TCF7L2: variants seen among roughly 807,000 people sequenced by gnomAD.
TCF7L2 encodes transcription factor 7-like 2.
Under a neutral mutation model 77.9 loss-of-function variants are expected in TCF7L2, and 23 were observed. The observed-to-expected ratio is 0.30, with a 90% CI of 0.21 to 0.42. The LOEUF is 0.42. Among genes scored for constraint, TCF7L2 ranks in the 10% least tolerant of loss-of-function variants. TCF7L2 has a pLI of 1.00. For synonymous variants in TCF7L2, 413 were observed against 340.2 expected (o/e 1.21, Z -2.36); for missense variants, 654 against 793.1 (o/e 0.82, Z 2.11).
At chr10:113,121,255 G>A (rs560216082) in intron 5 of TCF7L2, among the ~76,000 whole-genome samples, 2 of 152,266 alleles carry the variant, frequency 1.3e-5, no homozygotes, top group African/African-American at 4.8e-5. Context: ...CCCTCTTCTC[G>A]CTCTCCCGCC....
At chr10:113,107,774 A>AAAAAAAAAC (rs1408038947) in intron 5 of TCF7L2, among the ~76,000 whole-genome samples, 18 of 149,890 alleles carry the variant, frequency 1.2e-4, no homozygotes, top group Admixed American at 6.1e-4. Flanking sequence ...AAAAAAAAAA[A>AAAAAAAAAC]AACAACAAAA....
chr10:113,129,644 G>A, intron 5 of TCF7L2: 2 of 1,180,684 alleles, frequency 1.7e-6, no homozygotes, highest in South Asian at 3.3e-5. Flanking sequence ...ACAACTTTGA[G>A]CATTTTGAGC....
At chr10:113,141,092 T>C (rs2136826843) in intron 5 of TCF7L2, 92 bp from the exon 6 acceptor site, 1 of 1,527,452 alleles carries the variant, frequency 6.5e-7, no homozygotes, top group South Asian at 1.2e-5. Context: ...GGTGAGAGGC[T>C]GTGGCCAAGG....
chr10:113,118,963 T>C (rs1267065731), intron 5 of TCF7L2, among the ~76,000 whole-genome samples: 1 of 152,208 alleles, frequency 6.6e-6, no homozygotes, highest in African/African-American at 2.4e-5. Context: ...AGATTTACCC[T>C]TGGCTTCAAA....
At chr10:113,101,842 C>CAAAAAAA (rs71007412) in intron 5 of TCF7L2, among the ~76,000 whole-genome samples, 5 of 46,000 alleles carry the variant, frequency 1.1e-4, no homozygotes, top group Non-Finnish European at 1.4e-4. Flanking sequence ...GACTCCGTCT[C>CAAAAAAA]AAAAAAAAAA....
At chr10:113,127,689 C>T (rs890639419) in intron 5 of TCF7L2, among the ~76,000 whole-genome samples, 1 of 151,744 alleles carries the variant, frequency 6.6e-6, no homozygotes, top group African/African-American at 2.4e-5. Flanking sequence ...GCGTGGTGTA[C>T]TTCTGACAAA....
chr10:112,960,330 T>C (rs1468617652), intron 3 of TCF7L2, among the ~76,000 whole-genome samples: 2 of 152,198 alleles, frequency 1.3e-5, no homozygotes, highest in African/African-American at 4.8e-5. Context: ...AATCTTAAAA[T>C]GTTGGTCTTT....
At position 113,143,940 on chromosome 10, in the gene TCF7L2, C is replaced by T. The variant is rs1431238471; in HGVS notation, c.703C>T (p.His235Tyr). The T allele has an allele frequency of 6.2e-7, 1 of 1,613,998 alleles. No individual in the cohort carries two copies. The highest frequency in any genetic ancestry group is 1.1e-5 in the South Asian group (1 of 91,028). Residue 235 changes from histidine (H) to tyrosine (Y), a missense_variant, in exon 7 of 14, where the codon CAC becomes TAC. Around this residue, in one of 6 missense-constraint regions of TCF7L2, gnomAD observed 179 missense variants for 270.6 expected, o/e 0.66. Transcript: ENST00000627217. ...TCCCTCAGGAATCCCACGGCCTCCG[C>T]ACCCTCCAGATATATCCCCGTATTA...
At chr10:113,006,908 C>G (rs116397898) in intron 4 of TCF7L2, among the ~76,000 whole-genome samples, 1 of 152,236 alleles carries the variant, frequency 6.6e-6, no homozygotes. Context: ...CCTGCCCTTC[C>G]CACTTCCAGT....
Position 113,129,663 on chromosome 10 carries a change from C to G in TCF7L2, c.553-11521C>G, listed in dbSNP as rs942870889. On this transcript the variant is annotated intron_variant, in intron 5 of 13. Transcript: ENST00000627217. ...CTTTGAGCATTTTGAGCCTACTCGGCCAGGAATCTGGAGCCATTTCGATCT... is the reference window on the plus strand; with the variant it reads ...CTTTGAGCATTTTGAGCCTACTCGGGCAGGAATCTGGAGCCATTTCGATCT... The G allele has an allele frequency of 1.7e-5, 20 of 1,186,650 alleles. No homozygotes were observed. The East Asian group carries it at 1.1e-3, about 68-fold the overall frequency. 73.5% of individuals were successfully genotyped at this position (1,186,650 alleles called of 1,614,324 possible).
intron 4 of TCF7L2, among the ~76,000 whole-genome samples, chr10:113,007,944 A>T (rs1276640346): frequency 6.6e-6 from 1 of 152,226 alleles, no homozygotes; most frequent in African/African-American, 2.4e-5. Flanking sequence ...GATGGAATTC[A>T]AAGAAGCCTG....
intron 11 of TCF7L2, among the ~76,000 whole-genome samples, chr10:113,155,596 A>G (rs560498807): frequency 6.6e-6 from 1 of 152,168 alleles, no homozygotes; most frequent in African/African-American, 2.4e-5. Context: ...GTGTAGAGGA[A>G]TTTTCAGATG....
Position 112,998,000 on chromosome 10 carries a change from A to G in TCF7L2, c.450+33376A>G, listed in dbSNP as rs1411288624. Reference sequence around the variant, plus strand: ...TGCCTTGACAGTAAAACAAAAAACAAAAAAAAGGTGTGGGGGTATATGGTA... The same window carrying G: ...TGCCTTGACAGTAAAACAAAAAACAGAAAAAAGGTGTGGGGGTATATGGTA... On this transcript the variant is annotated intron_variant, in intron 4 of 13. Coordinates refer to ENST00000627217, the MANE Select transcript of TCF7L2 (RefSeq NM_001146274.2). Among the ~76,000 whole-genome samples, 10 of 152,270 alleles carry G rather than the reference A, an allele frequency of 6.6e-5. No homozygotes were observed. The East Asian group carries it at 1.9e-3, about 29-fold the overall frequency.
chr10:113,141,409 A>C, intron 6 of TCF7L2, 93 bp downstream of exon 6: 2 of 1,548,686 alleles, frequency 1.3e-6, no homozygotes, highest in Non-Finnish European at 1.7e-6. Flanking sequence ...GGGGTGGAGC[A>C]GTAGGGGACT....
chr10:113,115,815 T>C (rs953087813), intron 5 of TCF7L2, among the ~76,000 whole-genome samples: 2 of 152,072 alleles, frequency 1.3e-5, no homozygotes, highest in African/African-American at 4.8e-5. Flanking sequence ...CTGTGGTCAG[T>C]TTTGTGAATG....
At chr10:113,141,501 G>A (rs988886190) in intron 6 of TCF7L2, among the ~76,000 whole-genome samples, 185 bp downstream of exon 6, 3 of 152,162 alleles carry the variant, frequency 2.0e-5, no homozygotes, top group Non-Finnish European at 4.4e-5. Flanking sequence ...GAGGCCTGGT[G>A]TGGCAGTGGT....
intron 11 of TCF7L2, among the ~76,000 whole-genome samples, chr10:113,153,719 G>T (rs11595128): frequency 0.098 from 14,946 of 152,214 alleles, 1,117 homozygotes; most frequent in Non-Finnish European, 0.15. Flanking sequence ...GAAATGTGCA[G>T]TTACTGTGCA....
intron 5 of TCF7L2, among the ~76,000 whole-genome samples, chr10:113,051,534 T>C (rs1178475960): frequency 6.6e-6 from 1 of 152,236 alleles, no homozygotes. Context: ...AACTGATTCT[T>C]CTATCGCTAT....
intron 12 of TCF7L2, chr10:113,160,581 A>C: frequency 6.4e-7 from 1 of 1,555,770 alleles, no homozygotes; most frequent in Non-Finnish European, 8.7e-7. Flanking sequence ...ACGACCCACC[A>C]TTGTGTTGTA....
Sources: allele counts gnomAD v4.1 joint callset (sites outside exome capture counted in the v4.1 genomes callset), GRCh38; gene constraint gnomAD v4.1.1; regional missense constraint gnomAD v4.1.1; transcripts MANE v1.5; gene names NCBI Gene and HGNC (gene_info 2026-07-23, HGNC 2026-07-21).